The following FSD2 variants were observed in gnomAD, a reference collection of about 807,000 sequenced individuals.
FSD2 encodes fibronectin type III and SPRY domain containing 2.
FSD2 carries 71 observed loss-of-function variants against 80.4 expected under a neutral mutation model. The observed-to-expected ratio is 0.88, with a 90% CI of 0.73 to 1.08. The LOEUF (loss-of-function observed/expected upper bound fraction) is 1.08. FSD2 is among the 50% of genes least tolerant of loss of function. The probability of loss-of-function intolerance (pLI) is 0.00; values close to 1 mark genes in which losing one functional copy is unlikely to be tolerated. For synonymous variants in FSD2, 361 were observed against 329.5 expected (o/e 1.10, Z -1.03); for missense variants, 923 against 913.8 (o/e 1.01, Z -0.13).
intron 1 of FSD2, among the ~76,000 whole-genome samples, chr15:82,793,809 T>A (rs1021447616): frequency 6.6e-6 from 1 of 152,154 alleles, no homozygotes; most frequent in Non-Finnish European, 1.5e-5. Flanking sequence ...CTTTTTAATC[T>A]TTTTTATTTC....
At chr15:82,780,336 T>TA in intron 4 of FSD2, 69 bp from the exon 5 acceptor site, 6 of 1,167,558 alleles carry the variant, frequency 5.1e-6, no homozygotes, top group African/African-American at 1.6e-5. Flanking sequence ...TTTCTTTCTT[T>TA]CTTTTTTTTT....
chr15:82,766,627 A>C (rs1733215272), intron 9 of FSD2, among the ~76,000 whole-genome samples: 1 of 151,872 alleles, frequency 6.6e-6, no homozygotes, highest in African/African-American at 2.4e-5. Flanking sequence ...CTGTAATTCC[A>C]GCTACTCAGG....
intron 11 of FSD2, among the ~76,000 whole-genome samples, chr15:82,763,113 A>G (rs1465177819): frequency 6.6e-6 from 1 of 152,216 alleles, no homozygotes; most frequent in East Asian, 1.9e-4. Flanking sequence ...AAATGAGGCC[A>G]TCTCTGCTTC....
intron 3 of FSD2, among the ~76,000 whole-genome samples, chr15:82,785,544 G>A (rs548760472): frequency 2.6e-5 from 4 of 152,112 alleles, no homozygotes; most frequent in African/African-American, 9.6e-5. Context: ...GTCTGGTCTC[G>A]AACTCCTAAC....
At chr15:82,794,912 G>A (rs1016878949) in intron 1 of FSD2, among the ~76,000 whole-genome samples, 1 of 152,012 alleles carries the variant, frequency 6.6e-6, no homozygotes, top group Non-Finnish European at 1.5e-5. Flanking sequence ...TTTTAGTAGA[G>A]ACGGGGTTTC....
intron 1 of FSD2, among the ~76,000 whole-genome samples, chr15:82,796,000 CTTTTTTT>C (rs143711664): frequency 3.4e-5 from 4 of 117,504 alleles, no homozygotes; most frequent in Admixed American, 9.5e-5. Flanking sequence ...TTTTTCTTTT[CTTTTTTT>C]TTTTTTTTTT....
chr15:82,785,576 G>A (rs887399179), intron 3 of FSD2, among the ~76,000 whole-genome samples: 1 of 152,036 alleles, frequency 6.6e-6, no homozygotes, highest in African/African-American at 2.4e-5. Flanking sequence ...CACCCGCCTT[G>A]GCCTCCCAAA....
At chr15:82,769,652 T>C in intron 8 of FSD2, 98 bp downstream of exon 8, 2 of 1,396,836 alleles carry the variant, frequency 1.4e-6, no homozygotes, top group Non-Finnish European at 1.9e-6. Flanking sequence ...CTTCCTACCC[T>C]TCTGAATGAA....
rs971264397 is a variant in FSD2, at chr15:82,757,168, G to GT, written c.*2179dup. 3.3e-5 allele frequency: 5 copies of GT among 152,100 alleles called. No homozygotes were observed. Among genetic ancestry groups the GT allele is most frequent in the Non-Finnish European group, 4.4e-5 (3 of 68,018 alleles). 9.4% of individuals were successfully genotyped at this position (152,100 alleles called of 1,614,324 possible). The stretch of plus-strand genomic sequence containing the variant: ...TTTAAATGTCAGGCAATTCTAGACA[G>GT]TTTTTTCTTGGTCAAATAAAAATTT... On this transcript the variant is annotated 3_prime_UTR_variant, in exon 13 of 13. Transcript: ENST00000334574.
intron 1 of FSD2, 56 bp from the exon 2 acceptor site, chr15:82,787,524 G>T: frequency 1.3e-6 from 1 of 781,428 alleles, no homozygotes; most frequent in Non-Finnish European, 2.0e-6. Flanking sequence ...TGCAGTAGAT[G>T]ATCATTAGAT....
intron 9 of FSD2, among the ~76,000 whole-genome samples, chr15:82,766,306 G>A (rs980123343): frequency 6.6e-5 from 10 of 152,174 alleles, no homozygotes; most frequent in Non-Finnish European, 1.5e-4. Flanking sequence ...CCAGCACTGT[G>A]CTTGGCATAT....
intron 4 of FSD2, among the ~76,000 whole-genome samples, 161 bp from the exon 5 acceptor site, chr15:82,780,428 A>G (rs1459293405): frequency 6.7e-6 from 1 of 149,480 alleles, no homozygotes; most frequent in Non-Finnish European, 1.5e-5. Context: ...TCCGCCTCCC[A>G]GGTTCAAGGG....
chr15:82,770,993 C>T (rs2049554405), intron 7 of FSD2, among the ~76,000 whole-genome samples: 1 of 152,092 alleles, frequency 6.6e-6, no homozygotes, highest in Non-Finnish European at 1.5e-5. Flanking sequence ...AGTCCCCAAC[C>T]CCCCTTTTCA....
chr15:82,789,211 G>C (rs1482740287), intron 1 of FSD2, among the ~76,000 whole-genome samples: 1 of 151,930 alleles, frequency 6.6e-6, no homozygotes, highest in Non-Finnish European at 1.5e-5. Context: ...AGAATACAAA[G>C]CAGCCTTCAA....
At chr15:82,788,940 G>A (rs911445714) in intron 1 of FSD2, among the ~76,000 whole-genome samples, 1 of 150,586 alleles carries the variant, frequency 6.6e-6, no homozygotes, top group Non-Finnish European at 1.5e-5. Flanking sequence ...GATTGCGCCA[G>A]TGTACTCCAG....
chr15:82,780,980 G>A (rs1395841933), intron 4 of FSD2, among the ~76,000 whole-genome samples: 1 of 151,982 alleles, frequency 6.6e-6, no homozygotes, highest in Non-Finnish European at 1.5e-5. Flanking sequence ...AGGCTGCATT[G>A]AGCTATGATC....
intron 7 of FSD2, 140 bp from the exon 8 acceptor site, chr15:82,770,024 G>T: frequency 2.3e-6 from 2 of 887,844 alleles, no homozygotes; most frequent in Non-Finnish European, 3.5e-6. Flanking sequence ...TCTGCAGCAT[G>T]ACTTTGCTGC....
chr15:82,802,888 G>C (rs886947945), intron 1 of FSD2, among the ~76,000 whole-genome samples: 3 of 152,282 alleles, frequency 2.0e-5, no homozygotes, highest in Middle Eastern at 3.4e-3. Flanking sequence ...AGGTCCTTCT[G>C]TGACCCTGGC....
At chr15:82,766,055 G>T in intron 9 of FSD2, 24 bp from the exon 10 acceptor site, 1 of 1,555,488 alleles carries the variant, frequency 6.4e-7, no homozygotes. Context: ...CAGAGCTGCA[G>T]TCAGAATGGG....
Sources: allele counts gnomAD v4.1 joint callset (sites outside exome capture counted in the v4.1 genomes callset), GRCh38; gene constraint gnomAD v4.1.1; transcripts MANE v1.5; gene names NCBI Gene and HGNC (gene_info 2026-07-23, HGNC 2026-07-21).